Variants in CEP152 observed in about 807,000 individuals in gnomAD.
CEP152 encodes centrosomal protein of 152 kDa.
Under a neutral mutation model 188.9 loss-of-function variants are expected in CEP152, and 132 were observed. The observed-to-expected ratio is 0.70, with a 90% CI of 0.61 to 0.81. The LOEUF is 0.81. CEP152 is among the 30% of genes least tolerant of loss of function. The probability of loss-of-function intolerance (pLI) is 0.00; values close to 1 mark genes in which losing one functional copy is unlikely to be tolerated. For synonymous variants in CEP152, 649 were observed against 666.6 expected (o/e 0.97, Z 0.41); for missense variants, 1,914 against 1,969.8 (o/e 0.97, Z 0.54).
chr15:48,744,921 G>T lies in CEP152; in HGVS notation c.3706C>A (p.Gln1236Lys), dbSNP rs1055906913. The change falls in exon 23 of 27, where the codon CAA (glutamine) becomes AAA (lysine). Residue 1236 changes from glutamine to lysine, a missense_variant. Physicochemically the swap from Gln to Lys is moderately conservative, Grantham distance 53. Transcript: ENST00000380950. ...NDMKNKLEEL[Q>K]TLCKTPPRSL... is the part of the protein sequence containing the mutation. Reference sequence around the variant, plus strand: ...CTTGGTGGTGTTTTACAAAGTGTTTGCAATTCTTCCAATTTATTCTTCATG... The same window carrying T: ...CTTGGTGGTGTTTTACAAAGTGTTTTCAATTCTTCCAATTTATTCTTCATG... 1 of 1,610,258 alleles carries T rather than the reference G, an allele frequency of 6.2e-7. No homozygotes were observed.
In CEP152 at chr15:48,738,976, C is replaced by T; in HGVS notation, c.4406G>A (p.Gly1469Asp). Reference protein sequence around the residue: ...NVSPEFVPCEGEGGFGLHKKK... With the variant: ...NVSPEFVPCEDEGGFGLHKKK... The stretch of plus-strand genomic sequence containing the variant: ...CTTGTGCAAACCAAAGCCTCCTTCA[C>T]CTTCACAAGGAACAAACTCAGGAGA... The change falls in exon 27 of 27, where the codon GGT (glycine) becomes GAT (aspartate). Residue 1469 changes from glycine (G) to aspartate (D), a missense_variant. Transcript: ENST00000380950. The T allele has an allele frequency of 1.2e-6, 2 of 1,614,072 alleles. No individual in the cohort carries two copies. Among genetic ancestry groups the T allele is most frequent in the Non-Finnish European group, 1.7e-6 (2 of 1,179,952 alleles).
rs759732517 is a variant in CEP152, at chr15:48,738,604, CCATGTACAAATGATGCT to C, written c.4761_4777del (p.Ala1588Ter). On this transcript the variant is annotated frameshift_variant, in exon 27 of 27. Transcript: ENST00000380950. LOFTEE classifies it low-confidence loss of function (END_TRUNC). ...TATTTCCAAAGTTCCTTGTGGCCTA[CCATGTACAAATGATGCT>C]TCACGACTGTCAAAGGATAAGGTTG... 6.2e-7 allele frequency: 1 copy of C among 1,614,148 alleles called. No individual in the cohort carries two copies. The highest frequency in any genetic ancestry group is 8.5e-7 in the Non-Finnish European group (1 of 1,180,006).
rs189262444 is a variant in CEP152 at position 48,750,350 on chromosome 15, T to C, written c.3467-1740A>G. Among the ~76,000 whole-genome samples, 70 of 152,252 alleles carry C rather than the reference T, an allele frequency of 4.6e-4. 1 individual carries two copies. The highest frequency in any genetic ancestry group is 1.6e-3 in the African/African-American group (66 of 41,568). On this transcript the variant is annotated intron_variant, in intron 21 of 26. Coordinates refer to ENST00000380950, the MANE Select transcript of CEP152 (RefSeq NM_001194998.2). ...ATACAAAAATGATTAAAAAGTAGAC[T>C]ATTAACATAAGTGATATAATAAAGC...
At chr15:48,737,456 CATTA>C (rs1353871241), downstream of CEP152, among the ~76,000 whole-genome samples, 3 of 152,154 alleles carry the variant, frequency 2.0e-5, no homozygotes, top group African/African-American at 4.8e-5. Context: ...TAACCTAGAG[CATTA>C]ATTAGCCAGT....
chr15:48,796,073 G>A lies in CEP152; in HGVS notation c.628C>T (p.Gln210Ter). 6.2e-7 allele frequency: 1 copy of A among 1,613,770 alleles called. No individual in the cohort carries two copies. The highest frequency in any genetic ancestry group is 1.1e-5 in the South Asian group (1 of 91,054). ...SSAQNNGSPA[Q>*]EITGSDTFEG... ...AATGTGTCACTTCCTGTTATCTCCT[G>A]GGCTGGTGAGCCATTATTCTGGGCA... Residue 210 changes from glutamine (Q) to a stop codon, truncating the protein, a stop_gained, in exon 6 of 27, where the codon CAG (glutamine) becomes TAG (stop). Coordinates refer to ENST00000380950, the MANE Select transcript of CEP152 (RefSeq NM_001194998.2). LOFTEE classifies it high-confidence loss of function.
At chr15:48,735,282 G>A (rs1348107688), downstream of CEP152, among the ~76,000 whole-genome samples, 1 of 152,048 alleles carries the variant, frequency 6.6e-6, no homozygotes, top group Non-Finnish European at 1.5e-5. Context: ...AAATCGCAAG[G>A]GAAGTTTGAA....
At chr15:48,783,676 CG>C (rs1896421573) in intron 10 of CEP152, among the ~76,000 whole-genome samples, 1 of 150,908 alleles carries the variant, frequency 6.6e-6, no homozygotes, top group African/African-American at 2.4e-5. Flanking sequence ...AGTAGAATTA[CG>C]GTTATTTTTA....
downstream of CEP152, among the ~76,000 whole-genome samples, chr15:48,737,022 C>T (rs1892640038): frequency 6.6e-6 from 1 of 152,162 alleles, no homozygotes; most frequent in East Asian, 1.9e-4. Flanking sequence ...TGGTTTGTTC[C>T]TTACTATAGC....
chr15:48,808,259 T>TA (rs533706360), intron 1 of CEP152, among the ~76,000 whole-genome samples: 3,418 of 141,300 alleles, frequency 0.024, 66 homozygotes, highest in Non-Finnish European at 0.037. Flanking sequence ...GAGACTTCTT[T>TA]AAAAAAAAAA....
At chr15:48,762,706 A>G in intron 17 of CEP152, 34 bp from the exon 18 acceptor site, 1 of 1,604,216 alleles carries the variant, frequency 6.2e-7, no homozygotes. Flanking sequence ...CGAGAAGAAC[A>G]ATTTTCAAAT....
rs1416699204 is a variant in CEP152, at chr15:48,762,667, T to TTTCTTTTCAAGCTG, written c.2285_2286insCAGCTTGAAAAGAA (p.Lys762AsnfsTer25). ...TTTCAAGCTGTTGAATGAGTTTTTCTTTGATCTGTTTTCAGAAGAAAAATC... is the reference window on the plus strand; with the variant it reads ...TTTCAAGCTGTTGAATGAGTTTTTCTTTCTTTTCAAGCTGTTGATCTGTTTTCAGAAGAAAAATC... On this transcript the variant is annotated frameshift_variant, in exon 18 of 27. Transcript: ENST00000380950. LOFTEE classifies it high-confidence loss of function. The TTTCTTTTCAAGCTG allele has an allele frequency of 6.2e-7, 1 of 1,613,428 alleles. No homozygotes were observed. The highest frequency in any genetic ancestry group is 2.2e-5 in the East Asian group (1 of 44,862).
chr15:48,772,795 T>C (rs1289465504), intron 12 of CEP152, 104 bp from the exon 13 acceptor site: 1 of 866,786 alleles, frequency 1.2e-6, no homozygotes, highest in African/African-American at 1.7e-5. Context: ...TTGTCACCTA[T>C]ACAATTATAT....
At chr15:48,766,912 G>A in intron 17 of CEP152, 148 bp downstream of exon 17, 4 of 943,068 alleles carry the variant, frequency 4.2e-6, no homozygotes, top group Non-Finnish European at 6.8e-6. Context: ...TTATTTGTGA[G>A]CTATATGAGT....
chr15:48,742,020 C>T lies in CEP152; in HGVS notation c.3916G>A (p.Glu1306Lys). 2 of 1,614,162 alleles carry T rather than the reference C, an allele frequency of 1.2e-6. No homozygotes were observed. Among genetic ancestry groups the T allele is most frequent in the African/African-American group, 1.3e-5 (1 of 75,044 alleles). Residue 1306 changes from glutamate (E) to lysine (K), a missense_variant, in exon 25 of 27, where the codon GAA becomes AAA. Coordinates refer to ENST00000380950, the MANE Select transcript of CEP152 (RefSeq NM_001194998.2). ...VKAEVLRERQ[E>K]TARKMRKYYL... ...TATTTGCGCATCTTTCGGGCGGTTT[C>T]TTGACGTTCTCGCAGTACCTCTGCT... is the stretch of plus-strand genomic sequence containing the variant.
intron 1 of CEP152, among the ~76,000 whole-genome samples, chr15:48,809,335 C>T (rs1898189939): frequency 6.6e-6 from 1 of 152,112 alleles, no homozygotes; most frequent in Non-Finnish European, 1.5e-5. Flanking sequence ...AGACATGGTA[C>T]CAGCCATGAG....
rs1250095945 is a variant in CEP152 at position 48,748,494 on chromosome 15, G to T, written c.3583C>A (p.His1195Asn). Residue 1195 changes from histidine (H) to asparagine (N), a missense_variant, in exon 22 of 27, where the codon CAT becomes AAT. Transcript: ENST00000380950. ...TGCTTCCTTTCTAAATGCTGAAGAT[G>T]CCTACAGCATTTCTCCAGTTTTCCT... is the stretch of plus-strand genomic sequence containing the variant. The part of the protein sequence containing the change: ...LKGKLEKCCR[H>N]LQHLERKHKA... 6.5e-7 allele frequency: 1 copy of T among 1,534,386 alleles called. No individual in the cohort carries two copies. The highest frequency in any genetic ancestry group is 8.7e-7 in the Non-Finnish European group (1 of 1,146,094).
Position 48,763,688 on chromosome 15 carries a change from A to T in CEP152, c.2281-1016T>A, listed in dbSNP as rs565531589. 2.3e-3 allele frequency among the ~76,000 whole-genome samples: 350 copies of T among 152,266 alleles called. 1 individual carries two copies. Among genetic ancestry groups the T allele is most frequent in the African/African-American group, 8.3e-3 (343 of 41,558 alleles). On this transcript the variant is annotated intron_variant, in intron 17 of 26. Coordinates refer to ENST00000380950, the MANE Select transcript of CEP152 (RefSeq NM_001194998.2). The stretch of plus-strand genomic sequence containing the variant: ...GCTCCGTCTCAAAAAAGGAAAAAAA[A>T]AATTTAGTTTAAATAAGCTTGAGAA...
intron 9 of CEP152, among the ~76,000 whole-genome samples, chr15:48,788,458 C>T (rs941204428): frequency 2.0e-5 from 3 of 151,122 alleles, no homozygotes; most frequent in African/African-American, 4.9e-5. Flanking sequence ...CTCAGCCTCC[C>T]GAGTAGCTGG....
chr15:48,799,895 C>A (rs965481484), intron 2 of CEP152, among the ~76,000 whole-genome samples: 1 of 152,030 alleles, frequency 6.6e-6, no homozygotes, highest in Non-Finnish European at 1.5e-5. Flanking sequence ...AAAGACTACC[C>A]CCACATGTTA....
Sources: allele counts gnomAD v4.1 joint callset (sites outside exome capture counted in the v4.1 genomes callset), GRCh38; gene constraint gnomAD v4.1.1; transcripts MANE v1.5; gene names NCBI Gene and HGNC (gene_info 2026-07-23, HGNC 2026-07-21).